CD300A: variants seen among roughly 807,000 people sequenced by gnomAD.
CD300A encodes CD300a molecule, also known as CMRF35-like molecule 8.
CD300A carries 22 observed loss-of-function variants against 33.6 expected under a neutral mutation model. The ratio of observed to expected loss-of-function variants is 0.66; its 90% CI spans 0.47 to 0.94. The LOEUF (loss-of-function observed/expected upper bound fraction) is 0.94. Among genes scored for constraint, CD300A ranks in the 40% least tolerant of loss-of-function variants. The pLI is 0.00. For missense variants in CD300A, 326 were observed against 360.5 expected, an observed-to-expected ratio of 0.90 and a Z score of 0.77; for synonymous variants, 136 against 148.1, an observed-to-expected ratio of 0.92 and a Z score of 0.59.
intron 1 of CD300A, among the ~76,000 whole-genome samples, chr17:74,467,447 G>A (rs1905799747): frequency 6.6e-6 from 1 of 152,148 alleles, no homozygotes; most frequent in South Asian, 2.1e-4. Context: ...GGGAGGGCGA[G>A]GAGGGAAAAG....
chr17:74,481,401 C>A, intron 5 of CD300A, 75 bp downstream of exon 5: 2 of 1,378,664 alleles, frequency 1.5e-6, no homozygotes, highest in Non-Finnish European at 1.0e-6. Context: ...GTTGGACAGT[C>A]CCATCGGCCA....
rs1314383249 is a variant in CD300A at position 74,480,928 on chromosome 17, T to C, written c.629-361T>C. On this transcript the variant is annotated intron_variant, in intron 4 of 6. Transcript: ENST00000360141. This position sits in a 1 kb window ranked among gnomAD's most constrained non-coding sequence, Gnocchi z 4.2. ...CATGCCCAGCTAATATTTGTATTTT[T>C]AGTAGAGACAGGGTTTCACCCTATT... 6.6e-6 allele frequency among the ~76,000 whole-genome samples: 1 copy of C among 152,092 alleles called. No individual in the cohort carries two copies. The highest frequency in any genetic ancestry group is 1.5e-5 in the Non-Finnish European group (1 of 68,012).
chr17:74,472,439 G>A (rs1410692516), intron 1 of CD300A, among the ~76,000 whole-genome samples: 1 of 152,084 alleles, frequency 6.6e-6, no homozygotes, highest in Non-Finnish European at 1.5e-5. Context: ...CACTAGCTTC[G>A]AGCCATCACC....
intron 1 of CD300A, among the ~76,000 whole-genome samples, chr17:74,468,538 G>T (rs1905882076): frequency 6.6e-6 from 1 of 152,088 alleles, no homozygotes; most frequent in African/African-American, 2.4e-5. Context: ...TTACCATGTT[G>T]CCCAGGCTGG....
In CD300A at chr17:74,484,723, T is replaced by G. The variant is rs1907136420; in HGVS notation, c.*597T>G. 1 of 152,244 alleles carries G rather than the reference T, an allele frequency of 6.6e-6. No individual in the cohort carries two copies. Among genetic ancestry groups the G allele is most frequent in the Admixed American group, 6.5e-5 (1 of 15,284 alleles). The allele number at this position is 152,244 out of a possible 1,614,324, so 9.4% of individuals were successfully genotyped here. A position where few individuals can be genotyped will look rare whatever the true frequency, so the allele number is the denominator to read the frequency against. On this transcript the variant is annotated 3_prime_UTR_variant, in exon 7 of 7. Transcript: ENST00000360141. ...GCAAGTTTCTCTGGACTCTTAGGTTTATTTTTAATATGAAATATAAAAACA... is the reference window on the plus strand; with the variant it reads ...GCAAGTTTCTCTGGACTCTTAGGTTGATTTTTAATATGAAATATAAAAACA...
rs1027202598 is a variant in CD300A at position 74,480,214 on chromosome 17, C to T, written c.629-1075C>T. Among the ~76,000 whole-genome samples the T allele has an allele frequency of 6.6e-6, 1 of 152,126 alleles. No homozygotes were observed. On this transcript the variant is annotated intron_variant, in intron 4 of 6. Transcript: ENST00000360141. The surrounding 1 kb of genome is among the most constrained non-coding windows in gnomAD (Gnocchi z 4.2). ...TAGGTCAGCTGTGGCTCAGCAAGCC[C>T]GTCACTATACGTGGTCTTGTGTCTC...
chr17:74,482,527 C>T (rs1441179696), intron 6 of CD300A, among the ~76,000 whole-genome samples: 1 of 151,328 alleles, frequency 6.6e-6, no homozygotes, highest in African/African-American at 2.5e-5. Context: ...CTCCCCAGGC[C>T]GCCGTTTTGC....
chr17:74,466,770 C>T (rs1240023366), intron 1 of CD300A, 27 bp downstream of exon 1: 2 of 1,576,252 alleles, frequency 1.3e-6, no homozygotes, highest in South Asian at 2.3e-5. Flanking sequence ...CCGGGAAAGT[C>T]TGCGGCAGGG....
At chr17:74,471,521 A>G (rs1010422506) in intron 1 of CD300A, among the ~76,000 whole-genome samples, 14 of 152,216 alleles carry the variant, frequency 9.2e-5, no homozygotes, top group Admixed American at 3.3e-4. Context: ...CACTCTATAG[A>G]CAAGGTGTCT....
chr17:74,481,948 A>C, intron 6 of CD300A, 115 bp downstream of exon 6: 2 of 714,218 alleles, frequency 2.8e-6, no homozygotes, highest in South Asian at 3.3e-5. Context: ...TGTGCCTGTC[A>C]GGGACAGGGC....
At chr17:74,466,850 A>G in intron 1 of CD300A, 107 bp downstream of exon 1, 2 of 1,541,348 alleles carry the variant, frequency 1.3e-6, no homozygotes, top group Admixed American at 2.0e-5. Flanking sequence ...GACTCCGTGC[A>G]GAACGCAGAA....
chr17:74,482,697 CCTTTCTTT>C (rs146984765), intron 6 of CD300A, among the ~76,000 whole-genome samples: 18 of 130,132 alleles, frequency 1.4e-4, no homozygotes, highest in Admixed American at 2.1e-4. Flanking sequence ...TTCCTTCCTT[CCTTTCTTT>C]CTTTCTTTCT....
chr17:74,481,935 T>A (rs1050787811), intron 6 of CD300A, 102 bp downstream of exon 6: 5 of 815,722 alleles, frequency 6.1e-6, no homozygotes, highest in African/African-American at 5.1e-5. Flanking sequence ...GGCTTGGTGA[T>A]CTTGTGCCTG....
intron 3 of CD300A, among the ~76,000 whole-genome samples, chr17:74,476,032 C>A (rs1906441226): frequency 6.6e-6 from 1 of 152,120 alleles, no homozygotes; most frequent in African/African-American, 2.4e-5. Flanking sequence ...CCCTGCGGCA[C>A]CTCAATATAT....
intron 6 of CD300A, among the ~76,000 whole-genome samples, chr17:74,483,356 CT>C (rs959894809): frequency 7.4e-6 from 1 of 134,466 alleles, no homozygotes; most frequent in African/African-American, 3.6e-5. Flanking sequence ...CTTTTCTTTT[CT>C]TTTTTTCTTT....
intron 1 of CD300A, among the ~76,000 whole-genome samples, chr17:74,467,192 G>A (rs1905774501): frequency 9.0e-6 from 1 of 110,506 alleles, no homozygotes; most frequent in Non-Finnish European, 1.8e-5. Flanking sequence ...GGAGATGCCG[G>A]CCTCACTAGG....
At chr17:74,481,191 G>T in intron 4 of CD300A, 98 bp from the exon 5 acceptor site, 1 of 1,130,230 alleles carries the variant, frequency 8.8e-7, no homozygotes, top group Non-Finnish European at 1.3e-6. Flanking sequence ...CCAGGGCTGA[G>T]GTCTCTAGGG....
chr17:74,475,088 G>A (rs935043816), intron 3 of CD300A, among the ~76,000 whole-genome samples: 3 of 152,110 alleles, frequency 2.0e-5, no homozygotes, highest in African/African-American at 2.4e-5. Context: ...AGGTTTTAAT[G>A]TACTCACAGT....
intron 1 of CD300A, chr17:74,467,057 G>T (rs951630243): frequency 2.5e-6 from 3 of 1,210,914 alleles, no homozygotes; most frequent in East Asian, 4.3e-5. Flanking sequence ...GGGACGAGAG[G>T]CAGGATGTGT....
Sources: gnomAD v4.1 joint callset for allele counts (sites outside exome capture counted in the v4.1 genomes callset) on GRCh38, gnomAD v4.1.1 for gene constraint, Gnocchi (gnomAD v3.1) non-coding constraint, MANE v1.5 for transcripts, NCBI Gene and HGNC (gene_info 2026-07-23, HGNC 2026-07-21) for gene names.